Variants in TPRG1 observed in about 807,000 individuals in gnomAD.
TPRG1 encodes tumor protein p63 regulated 1, also known as tumor protein p63-regulated gene 1 protein.
In TPRG1, 29 loss-of-function variants were observed where a neutral mutation model predicts 29.3. The observed-to-expected ratio is 0.99, with a 90% confidence interval of 0.74 to 1.35. The LOEUF (loss-of-function observed/expected upper bound fraction) is 1.35, where lower values mean the gene tolerates loss of function less well. Ranked by LOEUF, TPRG1 falls within the 40% of genes most tolerant of loss-of-function variation. TPRG1 has a pLI of 0.00. For synonymous variants in TPRG1, 130 were observed against 116.8 expected (o/e 1.11, Z -0.73); for missense variants, 327 against 335.0 (o/e 0.98, Z 0.19).
intron 4 of TPRG1, among the ~76,000 whole-genome samples, chr3:189,033,587 C>CTT (rs376228279): frequency 6.9e-6 from 1 of 144,976 alleles, no homozygotes. Context: ...TCTTCTACTC[C>CTT]TTTTTTTTTT....
At chr3:189,301,155 C>G (rs1265071118) in intron 4 of TPRG1, among the ~76,000 whole-genome samples, 2 of 151,716 alleles carry the variant, frequency 1.3e-5, no homozygotes, top group Non-Finnish European at 2.9e-5. Flanking sequence ...AAAAATTAGC[C>G]AGACGTGGTG....
intron 3 of TPRG1, among the ~76,000 whole-genome samples, chr3:189,223,949 C>T (rs1045165483): frequency 6.6e-6 from 1 of 151,974 alleles, no homozygotes; most frequent in Non-Finnish European, 1.5e-5. Flanking sequence ...CCCAACTCTG[C>T]CCTAAGTGAT....
At chr3:189,155,880 T>C (rs1379079583) in intron 5 of TPRG1, among the ~76,000 whole-genome samples, 2 of 152,190 alleles carry the variant, frequency 1.3e-5, no homozygotes, top group South Asian at 4.1e-4. Flanking sequence ...GTTTTAGTTA[T>C]GCAGGATGAA....
At chr3:189,222,467 G>T (rs1324009480) in intron 3 of TPRG1, among the ~76,000 whole-genome samples, 1 of 152,050 alleles carries the variant, frequency 6.6e-6, no homozygotes, top group Non-Finnish European at 1.5e-5. Context: ...TTTTGTACGC[G>T]CTCATCTAGT....
chr3:189,260,782 C>A (rs568950835), intron 4 of TPRG1, among the ~76,000 whole-genome samples: 1 of 152,168 alleles, frequency 6.6e-6, no homozygotes, highest in Non-Finnish European at 1.5e-5. Flanking sequence ...GCAGCAACTA[C>A]CATCTGCCTC....
intron 3 of TPRG1, among the ~76,000 whole-genome samples, chr3:189,146,498 G>A (rs970730336): frequency 1.3e-5 from 2 of 152,152 alleles, no homozygotes; most frequent in African/African-American, 4.8e-5. Context: ...TTTCCAGGAA[G>A]GCAAGGACCT....
intron 1 of TPRG1, among the ~76,000 whole-genome samples, chr3:189,194,337 C>T (rs1490138696): frequency 6.6e-6 from 1 of 152,118 alleles, no homozygotes; most frequent in Non-Finnish European, 1.5e-5. Context: ...AAGGAGATCC[C>T]TTTTATTATC....
intron 4 of TPRG1, among the ~76,000 whole-genome samples, chr3:189,025,152 G>A (rs995431697): frequency 1.3e-4 from 20 of 152,190 alleles, no homozygotes; most frequent in African/African-American, 4.8e-4. Flanking sequence ...GTCTCTGTAT[G>A]TGCCTGAGCA....
chr3:189,317,055 T>C (rs138490613), intron 5 of TPRG1, among the ~76,000 whole-genome samples: 20 of 152,226 alleles, frequency 1.3e-4, no homozygotes, highest in Non-Finnish European at 2.4e-4. Flanking sequence ...ATTCATTGAG[T>C]ATGAAATAGT....
At chr3:189,220,820 C>A (rs1736832737) in intron 3 of TPRG1, among the ~76,000 whole-genome samples, 1 of 152,164 alleles carries the variant, frequency 6.6e-6, no homozygotes, top group African/African-American at 2.4e-5. Flanking sequence ...ATATGTACCA[C>A]ATTTTCTTTA....
At chr3:189,256,365 G>A (rs1372012429) in intron 4 of TPRG1, among the ~76,000 whole-genome samples, 3 of 152,018 alleles carry the variant, frequency 2.0e-5, no homozygotes, top group African/African-American at 4.8e-5. Context: ...TGATTACACC[G>A]TGGTCTGACT....
chr3:189,113,297 A>G (rs902462677), intron 1 of TPRG1, among the ~76,000 whole-genome samples: 4 of 152,200 alleles, frequency 2.6e-5, no homozygotes, highest in African/African-American at 4.8e-5. Flanking sequence ...GGGGTTTTCT[A>G]GATATACAAT....
At chr3:189,096,525 G>A (rs1333280824), upstream of TPRG1, among the ~76,000 whole-genome samples, 1 of 152,058 alleles carries the variant, frequency 6.6e-6, no homozygotes, top group African/African-American at 2.4e-5. Context: ...TCTTCCTTCT[G>A]ACCTGTTCTT....
At chr3:189,153,191 C>G (rs1386653019) in intron 5 of TPRG1, among the ~76,000 whole-genome samples, 3 of 152,112 alleles carry the variant, frequency 2.0e-5, no homozygotes, top group South Asian at 2.1e-4. Flanking sequence ...GTATTGAGCA[C>G]TGTTTCAGTG....
chr3:189,288,070 A>C (rs1039674377), intron 4 of TPRG1, among the ~76,000 whole-genome samples: 1 of 151,400 alleles, frequency 6.6e-6, no homozygotes, highest in Non-Finnish European at 1.5e-5. Context: ...AGAGAGAGAC[A>C]GAGGAAAAAG....
At chr3:189,049,131 G>C (rs963083417) in intron 4 of TPRG1, among the ~76,000 whole-genome samples, 1 of 152,168 alleles carries the variant, frequency 6.6e-6, no homozygotes, top group African/African-American at 2.4e-5. Context: ...AGGGTGAAAA[G>C]CCTCCCGGCC....
intron 4 of TPRG1, among the ~76,000 whole-genome samples, chr3:189,282,704 C>T (rs2043575547): frequency 6.6e-6 from 1 of 152,158 alleles, no homozygotes; most frequent in Admixed American, 6.5e-5. Context: ...TTTGATTACT[C>T]TGAACAAGGA....
At chr3:189,249,346 A>G (rs1219908646) in intron 4 of TPRG1, among the ~76,000 whole-genome samples, 1 of 151,814 alleles carries the variant, frequency 6.6e-6, no homozygotes, top group African/African-American at 2.4e-5. Flanking sequence ...GAGTTTAATT[A>G]CTTTAATACC....
chr3:189,056,686 G>A (rs1240661122), intron 4 of TPRG1, among the ~76,000 whole-genome samples: 1 of 152,150 alleles, frequency 6.6e-6, no homozygotes, highest in African/African-American at 2.4e-5. Flanking sequence ...ATAGGTTTTT[G>A]AACATGGTAG....
Sources: gnomAD v4.1 joint callset for allele counts (sites outside exome capture counted in the v4.1 genomes callset) on GRCh38, gnomAD v4.1.1 for gene constraint, MANE v1.5 for transcripts, NCBI Gene and HGNC (gene_info 2026-07-23, HGNC 2026-07-21) for gene names.